BCAS3: variants seen among roughly 807,000 people sequenced by gnomAD.
BCAS3 encodes BCAS4/BCAS3 fusion.
BCAS3 carries 53 observed loss-of-function variants against 116.1 expected under a neutral mutation model. That is an observed-to-expected ratio of 0.46 (90% confidence interval 0.37 to 0.57). The LOEUF is 0.57. BCAS3 is among the 20% of genes least tolerant of loss of function. The probability of loss-of-function intolerance (pLI) is 0.00; values close to 1 mark genes in which losing one functional copy is unlikely to be tolerated. For missense variants in BCAS3, 917 were observed against 1,165.4 expected, an observed-to-expected ratio of 0.79 and a Z score of 3.10; for synonymous variants, 391 against 408.2, an observed-to-expected ratio of 0.96 and a Z score of 0.51.
chr17:60,935,333 A>G (rs921598240), intron 13 of BCAS3, among the ~76,000 whole-genome samples: 8 of 152,202 alleles, frequency 5.3e-5, no homozygotes, highest in African/African-American at 9.6e-5. Flanking sequence ...ACTATCAAAT[A>G]CAATTATAGT....
In BCAS3 at chr17:60,726,174, C is replaced by T. The variant is rs1481019166; in HGVS notation, c.321+16849C>T. ...CCTCCCAAAGTGCTGGGATTACAGG[C>T]GTGAGCCACTGCTCCCGGCCAGAGG... On this transcript the variant is annotated intron_variant, in intron 5 of 23. Transcript: ENST00000407086. Among the ~76,000 whole-genome samples the T allele has an allele frequency of 2.7e-5, 4 of 148,772 alleles. No individual in the cohort carries two copies. In the East Asian group the frequency reaches 6.0e-4, roughly 22 times the overall value.
At chr17:61,111,844 A>G (rs373371403) in intron 22 of BCAS3, among the ~76,000 whole-genome samples, 30 of 100,346 alleles carry the variant, frequency 3.0e-4, no homozygotes, top group Admixed American at 5.6e-4. Context: ...GAGAAAGGTC[A>G]GGTTACCCTC....
intron 22 of BCAS3, among the ~76,000 whole-genome samples, chr17:61,107,101 T>TC (rs1555719643): frequency 6.7e-6 from 1 of 148,456 alleles, no homozygotes; most frequent in Non-Finnish European, 1.5e-5. Context: ...TTTTTTTTTT[T>TC]TTTGAGACGG....
intron 2 of BCAS3, 22 bp downstream of exon 2, chr17:60,679,562 C>G (rs2032664372): frequency 6.4e-7 from 1 of 1,556,896 alleles, no homozygotes; most frequent in East Asian, 2.2e-5. Context: ...TCAGATAAAC[C>G]CAATAGCTGA....
chr17:60,893,146 T>C (rs1036538086), intron 10 of BCAS3, among the ~76,000 whole-genome samples: 5 of 152,188 alleles, frequency 3.3e-5, no homozygotes, highest in Non-Finnish European at 7.4e-5. Context: ...TTGTAGATTC[T>C]TAGTTGGATG....
At chr17:61,005,592 T>C (rs2064617178) in intron 15 of BCAS3, among the ~76,000 whole-genome samples, 1 of 152,044 alleles carries the variant, frequency 6.6e-6, no homozygotes, top group Non-Finnish European at 1.5e-5. Context: ...GTCATGATGC[T>C]GAAATAGAGC....
chr17:60,972,036 T>G (rs1048984817), intron 14 of BCAS3, among the ~76,000 whole-genome samples: 1 of 152,204 alleles, frequency 6.6e-6, no homozygotes, highest in Non-Finnish European at 1.5e-5. Context: ...CATTTTACTC[T>G]TGGAATCCTA....
chr17:61,093,112 T>C (rs1601172665), intron 22 of BCAS3, among the ~76,000 whole-genome samples: 1 of 152,022 alleles, frequency 6.6e-6, no homozygotes, highest in East Asian at 1.9e-4. Flanking sequence ...TTCATCATGT[T>C]GGCCAGGCTG....
At chr17:60,701,889 G>A (rs910501209) in intron 4 of BCAS3, among the ~76,000 whole-genome samples, 4 of 149,396 alleles carry the variant, frequency 2.7e-5, no homozygotes, top group East Asian at 3.9e-4. Flanking sequence ...CAGGAGATGC[G>A]CTAGAGCCCA....
Position 61,368,200 on chromosome 17 carries a change from G to C in BCAS3, c.2426-127G>C, listed in dbSNP as rs140420032. The C allele has an allele frequency of 1.0e-6, 1 of 997,182 alleles. No homozygotes were observed. The highest frequency in any genetic ancestry group is 1.8e-5 in the South Asian group (1 of 54,086). The allele number at this position is 997,182 out of a possible 1,614,324, so 61.8% of individuals were successfully genotyped here. A position where few individuals can be genotyped will look rare whatever the true frequency, so the allele number is the denominator to read the frequency against. On this transcript the variant is annotated intron_variant, in intron 22 of 23. Transcript: ENST00000407086. The surrounding 1 kb of genome is among the most constrained non-coding windows in gnomAD (Gnocchi z 6.0). ...CTGCGCTACCCAGTCTGTTGGCGGC[G>C]TGCTTCCATCCTACAGGAAGGCTAC...
chr17:60,969,584 T>TTGCAG (rs1268892117), intron 14 of BCAS3, among the ~76,000 whole-genome samples: 1 of 152,160 alleles, frequency 6.6e-6, no homozygotes, highest in African/African-American at 2.4e-5. Flanking sequence ...CATGTAGTTA[T>TTGCAG]TGCAGAAGGT....
In BCAS3 at chr17:61,140,239, A is replaced by T. The variant is rs2076846861; in HGVS notation, c.2425+55675A>T. Among the ~76,000 whole-genome samples the T allele has an allele frequency of 6.6e-6, 1 of 152,154 alleles. No homozygotes were observed. Among genetic ancestry groups the T allele is most frequent in the Non-Finnish European group, 1.5e-5 (1 of 68,042 alleles). On this transcript the variant is annotated intron_variant, in intron 22 of 23. Coordinates refer to ENST00000407086, the MANE Select transcript of BCAS3 (RefSeq NM_017679.5). This position sits in a 1 kb window ranked among gnomAD's most constrained non-coding sequence, Gnocchi z 4.2. ...GTGACAGAGCAAGACTCCATCTCAA[A>T]AAAAAGGAACAGAGTCACCAAGACA...
In BCAS3 at chr17:61,235,773, A is replaced by G. The variant is rs1172291207; in HGVS notation, c.2426-132554A>G. ...AATGGTTAGGGAGGCTGCAAAAGAG[A>G]TGTGGAGACTGGGGGAAAAGGACTG... On this transcript the variant is annotated intron_variant, in intron 22 of 23. Coordinates refer to ENST00000407086, the MANE Select transcript of BCAS3 (RefSeq NM_017679.5). The surrounding 1 kb of genome is among the most constrained non-coding windows in gnomAD (Gnocchi z 5.0). Among the ~76,000 whole-genome samples the G allele has an allele frequency of 6.6e-6, 1 of 151,958 alleles. No individual in the cohort carries two copies.
chr17:60,937,728 T>C (rs948483031), intron 13 of BCAS3, among the ~76,000 whole-genome samples: 6 of 152,246 alleles, frequency 3.9e-5, no homozygotes, highest in African/African-American at 1.4e-4. Flanking sequence ...TCCTGTCTTA[T>C]GCTGTTCATA....
At chr17:60,698,778 A>G (rs2035977424) in intron 4 of BCAS3, among the ~76,000 whole-genome samples, 1 of 152,174 alleles carries the variant, frequency 6.6e-6, no homozygotes, top group African/African-American at 2.4e-5. Flanking sequence ...TTCCAGGGCC[A>G]GGCACAGTGG....
At chr17:60,987,908 T>G (rs1435745122) in intron 14 of BCAS3, among the ~76,000 whole-genome samples, 2 of 152,176 alleles carry the variant, frequency 1.3e-5, no homozygotes, top group Admixed American at 6.5e-5. Flanking sequence ...GTTCCATATC[T>G]TGGCAGAAAG....
chr17:60,879,129 T>G (rs910508922), intron 9 of BCAS3, among the ~76,000 whole-genome samples: 1 of 152,110 alleles, frequency 6.6e-6, no homozygotes, highest in African/African-American at 2.4e-5. Context: ...CATACTGAGA[T>G]AGCATTTGTG....
In BCAS3 at chr17:61,281,445, C is replaced by T. The variant is rs1375109697; in HGVS notation, c.2426-86882C>T. Among the ~76,000 whole-genome samples, 109 of 152,262 alleles carry T rather than the reference C, an allele frequency of 7.2e-4. 1 individual carries two copies. The highest frequency in any genetic ancestry group is 2.9e-5 in the Non-Finnish European group (2 of 68,020). ...ATCATAGTCACCATACTAAGTTATA[C>T]TCCCACCCCCAGGTATGAGAGTACT... is the stretch of plus-strand genomic sequence containing the variant. On this transcript the variant is annotated intron_variant, in intron 22 of 23. Coordinates refer to ENST00000407086, the MANE Select transcript of BCAS3 (RefSeq NM_017679.5). This position sits in a 1 kb window ranked among gnomAD's most constrained non-coding sequence, Gnocchi z 4.2.
At chr17:61,234,780 CCA>C (rs1491497677) in intron 22 of BCAS3, among the ~76,000 whole-genome samples, 75 of 40,606 alleles carry the variant, frequency 1.8e-3, no homozygotes, top group African/African-American at 4.1e-3. Context: ...CAGGCTTTTT[CCA>C]GAAAAAAAAA....
Sources: gnomAD v4.1 joint callset for allele counts (sites outside exome capture counted in the v4.1 genomes callset) on GRCh38, gnomAD v4.1.1 for gene constraint, Gnocchi (gnomAD v3.1) non-coding constraint, MANE v1.5 for transcripts, NCBI Gene and HGNC (gene_info 2026-07-23, HGNC 2026-07-21) for gene names.